The following NRG1 variants were observed in gnomAD, a reference collection of about 807,000 sequenced individuals.
The protein encoded by NRG1 is pro-neuregulin-1, membrane-bound isoform.
Under a neutral mutation model 63.8 loss-of-function variants are expected in NRG1, and 18 were observed. That is an observed-to-expected ratio of 0.28 (90% confidence interval 0.19 to 0.42). The LOEUF is 0.42. NRG1 is among the 10% of genes least tolerant of loss of function. The pLI is 1.00. For missense variants in NRG1, 762 were observed against 814.7 expected, an observed-to-expected ratio of 0.94 and a Z score of 0.79; for synonymous variants, 302 against 301.3, an observed-to-expected ratio of 1.00 and a Z score of -0.02.
At chr8:32,100,143 CTCT>C (rs371184938) in intron 1 of NRG1, among the ~76,000 whole-genome samples, 2 of 152,130 alleles carry the variant, frequency 1.3e-5, no homozygotes, top group African/African-American at 4.8e-5. Context: ...TCTGCCTCCT[CTCT>C]TCTTCCTCCT....
intron 1 of NRG1, among the ~76,000 whole-genome samples, chr8:32,542,145 G>A (rs73234126): frequency 0.11 from 16,459 of 152,114 alleles, 1,143 homozygotes; most frequent in South Asian, 0.15. Context: ...GCCAATGAAT[G>A]TAATCTACAG....
At chr8:32,593,368 C>T (rs1255477254) in intron 1 of NRG1, among the ~76,000 whole-genome samples, 1 of 152,066 alleles carries the variant, frequency 6.6e-6, no homozygotes, top group East Asian at 1.9e-4. Flanking sequence ...TTCTTTAAAA[C>T]CCTTCACCAG....
At chr8:32,769,450 A>G (rs1831644186), downstream of NRG1, among the ~76,000 whole-genome samples, 1 of 152,166 alleles carries the variant, frequency 6.6e-6, no homozygotes, top group South Asian at 2.1e-4. Context: ...TTCTAACCTG[A>G]GTCTTCCCAA....
At chr8:32,759,214 A>T in intron 9 of NRG1, 92 bp from the exon 10 acceptor site, 1 of 1,351,146 alleles carries the variant, frequency 7.4e-7, no homozygotes, top group Non-Finnish European at 1.0e-6. Flanking sequence ...TGTTTCTGAC[A>T]GTGTTAACGT....
intron 1 of NRG1, among the ~76,000 whole-genome samples, chr8:32,411,193 A>G (rs1364127681): frequency 1.3e-5 from 2 of 152,022 alleles, no homozygotes; most frequent in African/African-American, 4.8e-5. Context: ...TTTTTATCAG[A>G]TGAGGAACTA....
intron 1 of NRG1, among the ~76,000 whole-genome samples, chr8:31,992,866 T>C (rs1270279175): frequency 6.6e-6 from 1 of 151,992 alleles, no homozygotes; most frequent in African/African-American, 2.4e-5. Context: ...GAGAAGCATT[T>C]AAAGTCTCCA....
intron 1 of NRG1, among the ~76,000 whole-genome samples, chr8:32,133,887 A>C (rs1220564457): frequency 2.0e-5 from 3 of 152,224 alleles, no homozygotes; most frequent in Non-Finnish European, 4.4e-5. Flanking sequence ...GTTAAAGCAC[A>C]GGTTGAAAAT....
rs1563428027 is a variant in NRG1 at position 32,412,418 on chromosome 8, CT to C, written c.38-183409del. ...CTCTCTCCTCTCTCTCTCTCTCTCT[CT>C]CTACATATATATATATATATATATA... On this transcript the variant is annotated intron_variant, in intron 1 of 10. Transcript: ENST00000519301. Among the ~76,000 whole-genome samples the C allele has an allele frequency of 2.1e-4, 13 of 62,186 alleles. 1 individual carries two copies. Among genetic ancestry groups the C allele is most frequent in the African/African-American group, 6.5e-4 (13 of 19,984 alleles). The allele number at this position is 62,186 out of a possible 152,430, so 40.8% of individuals were successfully genotyped here. A position where few individuals can be genotyped will look rare whatever the true frequency, so the allele number is the denominator to read the frequency against.
intron 11 of NRG1, chr8:32,763,505 A>C: frequency 9.0e-7 from 1 of 1,117,248 alleles, no homozygotes; most frequent in East Asian, 2.4e-5. Context: ...AAAATCCCAA[A>C]AGCTTTGATG....
chr8:32,112,164 A>G (rs1832113773), intron 1 of NRG1, among the ~76,000 whole-genome samples: 1 of 152,236 alleles, frequency 6.6e-6, no homozygotes, highest in African/African-American at 2.4e-5. Context: ...GCAAAGGATC[A>G]CTGAAATATT....
At chr8:31,907,413 C>A (rs190827957) in intron 1 of NRG1, among the ~76,000 whole-genome samples, 6 of 149,076 alleles carry the variant, frequency 4.0e-5, no homozygotes, top group Admixed American at 1.3e-4. Context: ...CATGTTTTTG[C>A]AGGCTTTTTA....
intron 1 of NRG1, among the ~76,000 whole-genome samples, chr8:32,070,205 C>T (rs1002623719): frequency 1.2e-4 from 19 of 152,114 alleles, no homozygotes; most frequent in Non-Finnish European, 2.5e-4. Context: ...GAAGTCAGAG[C>T]GGTACAAAAT....
chr8:32,606,471 C>A (rs1304008015), intron 3 of NRG1, among the ~76,000 whole-genome samples: 1 of 151,956 alleles, frequency 6.6e-6, no homozygotes, highest in Non-Finnish European at 1.5e-5. Context: ...GAAATACAAT[C>A]CACCTCTGAC....
At chr8:31,909,729 C>T (rs1434587632) in intron 1 of NRG1, among the ~76,000 whole-genome samples, 1 of 152,144 alleles carries the variant, frequency 6.6e-6, no homozygotes, top group Admixed American at 6.6e-5. Flanking sequence ...GTGGCAGTTG[C>T]TTTTAGAAAC....
At chr8:31,760,264 A>G (rs1037620844) in intron 1 of NRG1, among the ~76,000 whole-genome samples, 1 of 152,294 alleles carries the variant, frequency 6.6e-6, no homozygotes, top group African/African-American at 2.4e-5. Context: ...AGCTTTCTAC[A>G]TATGGCTAGC....
At chr8:31,955,344 C>T (rs1281925768) in intron 1 of NRG1, among the ~76,000 whole-genome samples, 1 of 152,160 alleles carries the variant, frequency 6.6e-6, no homozygotes, top group African/African-American at 2.4e-5. Flanking sequence ...ATATTTCTAA[C>T]ATGCAATACA....
intron 1 of NRG1, among the ~76,000 whole-genome samples, chr8:32,270,173 G>A (rs913588975): frequency 1.3e-5 from 2 of 152,156 alleles, no homozygotes; most frequent in African/African-American, 4.8e-5. Flanking sequence ...AAATAGGAAT[G>A]CCCAGTACAT....
At chr8:32,591,513 G>A (rs1295072671) in intron 1 of NRG1, among the ~76,000 whole-genome samples, 2 of 152,090 alleles carry the variant, frequency 1.3e-5, no homozygotes, top group Non-Finnish European at 2.9e-5. Context: ...GAAAGGAGAA[G>A]TGTTGACCTG....
At chr8:32,761,030 G>C in intron 11 of NRG1, 1 of 977,012 alleles carries the variant, frequency 1.0e-6, no homozygotes, top group Non-Finnish European at 1.2e-6. Context: ...AGCAGATACT[G>C]CCTTCAAGAT....
Sources: allele counts gnomAD v4.1 joint callset (sites outside exome capture counted in the v4.1 genomes callset), GRCh38; gene constraint gnomAD v4.1.1; transcripts MANE v1.5; gene names NCBI Gene and HGNC (gene_info 2026-07-23, HGNC 2026-07-21).